The following HMGA2 variants were observed in gnomAD, a reference collection of about 807,000 sequenced individuals.
The protein encoded by HMGA2 is high mobility group protein HMGI-C.
A neutral mutation model predicts 19.1 loss-of-function variants in HMGA2; 8 were observed. The ratio of observed to expected loss-of-function variants is 0.42; its 90% CI spans 0.25 to 0.76. HMGA2 has a LOEUF of 0.76. Among genes scored for constraint, HMGA2 ranks in the 30% least tolerant of loss-of-function variants. HMGA2 has a pLI of 0.28. For missense variants in HMGA2, 109 were observed against 136.3 expected, an observed-to-expected ratio of 0.80 and a Z score of 1.00; for synonymous variants, 60 against 48.8, an observed-to-expected ratio of 1.23 and a Z score of -0.96.
intron 3 of HMGA2, among the ~76,000 whole-genome samples, chr12:65,914,556 G>A (rs1393350077): frequency 6.6e-6 from 1 of 151,606 alleles, no homozygotes; most frequent in Non-Finnish European, 1.5e-5. Flanking sequence ...TGACGAGTTA[G>A]TGGGTGCAGC....
chr12:65,866,311 G>A (rs1236084220), intron 3 of HMGA2, among the ~76,000 whole-genome samples: 1 of 152,172 alleles, frequency 6.6e-6, no homozygotes, highest in Non-Finnish European at 1.5e-5. Context: ...TACAGATGAT[G>A]ATTTCAAGCC....
chr12:65,915,982 G>C (rs1041976972), intron 3 of HMGA2, among the ~76,000 whole-genome samples: 2 of 152,112 alleles, frequency 1.3e-5, no homozygotes, highest in African/African-American at 4.8e-5. Context: ...GTGACCATCA[G>C]TCTTAAATAA....
At position 65,952,398 on chromosome 12, in the gene HMGA2, A is replaced by C. The variant is rs1298590435; in HGVS notation, c.282+983A>C. On this transcript the variant is annotated intron_variant, in intron 4 of 4. Coordinates refer to ENST00000403681, the MANE Select transcript of HMGA2 (RefSeq NM_003483.6). ...TGGGAAGGACCACCCGGGCAATCTT[A>C]TATATCTACTGTTCTCTAAAAATGC... 8 of 1,534,798 alleles carry C rather than the reference A, an allele frequency of 5.2e-6. No individual in the cohort carries two copies. In the African/African-American group the frequency reaches 9.6e-5, roughly 18 times the overall value.
chr12:65,904,877 A>T (rs1874520837), intron 3 of HMGA2, among the ~76,000 whole-genome samples: 1 of 152,038 alleles, frequency 6.6e-6, no homozygotes, highest in African/African-American at 2.4e-5. Context: ...CCCCATCTCT[A>T]CTAAAAATAC....
intron 3 of HMGA2, among the ~76,000 whole-genome samples, chr12:65,918,921 G>C (rs1875204029): frequency 6.6e-6 from 1 of 152,180 alleles, no homozygotes; most frequent in Admixed American, 6.5e-5. Flanking sequence ...GGAGATACCA[G>C]TGGGCTGACT....
chr12:65,841,912 G>A (rs551352453), intron 3 of HMGA2, among the ~76,000 whole-genome samples: 14 of 152,152 alleles, frequency 9.2e-5, no homozygotes, highest in African/African-American at 3.4e-4. Flanking sequence ...ATGAAGCATT[G>A]GCCAATTCAG....
chr12:65,847,389 A>G (rs1871275396), intron 3 of HMGA2, among the ~76,000 whole-genome samples: 1 of 152,206 alleles, frequency 6.6e-6, no homozygotes. Flanking sequence ...TGCATACTCA[A>G]TATAATTTAT....
intron 1 of HMGA2, chr12:65,826,468 C>T (rs1204188511): frequency 6.6e-5 from 10 of 152,232 alleles, no homozygotes; most frequent in Non-Finnish European, 1.3e-4. Context: ...TCTGCTTAGT[C>T]TTAAATCGCT....
At chr12:65,858,789 C>T (rs924667844) in intron 3 of HMGA2, 3 of 152,176 alleles carry the variant, frequency 2.0e-5, no homozygotes, top group Non-Finnish European at 4.4e-5. Context: ...CACTGTGCTT[C>T]TTTCTGATTA....
At chr12:65,883,336 TG>T (rs1452509814) in intron 3 of HMGA2, among the ~76,000 whole-genome samples, 8 of 152,346 alleles carry the variant, frequency 5.3e-5, no homozygotes, top group Admixed American at 2.0e-4. Context: ...TGACACTAAC[TG>T]GTTGTGAATC....
chr12:65,937,131 A>AT (rs967875327), intron 3 of HMGA2, among the ~76,000 whole-genome samples: 3 of 151,812 alleles, frequency 2.0e-5, no homozygotes, highest in Non-Finnish European at 4.4e-5. Context: ...AAAAAAATTA[A>AT]TTTTTTTTTA....
intron 3 of HMGA2, among the ~76,000 whole-genome samples, chr12:65,902,558 A>C (rs1234601710): frequency 1.3e-5 from 2 of 152,168 alleles, no homozygotes; most frequent in Non-Finnish European, 2.9e-5. Context: ...CTGGACACAC[A>C]CTGAGCCTGG....
At chr12:65,854,548 A>G (rs1871636106) in intron 3 of HMGA2, among the ~76,000 whole-genome samples, 1 of 152,222 alleles carries the variant, frequency 6.6e-6, no homozygotes, top group Non-Finnish European at 1.5e-5. Flanking sequence ...TATCACATGT[A>G]GGTTCATGTA....
Position 65,951,526 on chromosome 12 carries a change from C to T in HMGA2, c.282+111C>T, listed in dbSNP as rs191137604. The stretch of plus-strand genomic sequence containing the variant: ...TTCGCATTTTCTTACTTTTGGTTAT[C>T]GTCCTGCAGTATTCCTGAAAATGTG... On this transcript the variant is annotated intron_variant, in intron 4 of 4. Transcript: ENST00000403681. The T allele has an allele frequency of 1.5e-3, 1,071 of 728,828 alleles. 10 individuals carry two copies. Among genetic ancestry groups the T allele is most frequent in the Admixed American group, 3.1e-4 (13 of 41,300 alleles). 45.1% of individuals were successfully genotyped at this position (728,828 alleles called of 1,614,324 possible). A position where few individuals can be genotyped will look rare whatever the true frequency, so the allele number is the denominator to read the frequency against.
intron 2 of HMGA2, among the ~76,000 whole-genome samples, chr12:65,837,645 T>C (rs1449018959): frequency 2.0e-5 from 3 of 152,150 alleles, no homozygotes; most frequent in Non-Finnish European, 4.4e-5. Flanking sequence ...TGGTGTGTTG[T>C]TGTGTATGAA....
intron 3 of HMGA2, among the ~76,000 whole-genome samples, chr12:65,860,643 C>T (rs1487488245): frequency 6.6e-6 from 1 of 152,180 alleles, no homozygotes; most frequent in Admixed American, 6.5e-5. Flanking sequence ...AAATACGTGG[C>T]TAGGCTACTC....
intron 3 of HMGA2, among the ~76,000 whole-genome samples, chr12:65,868,313 A>G (rs764514449): frequency 1.3e-5 from 2 of 148,730 alleles, no homozygotes; most frequent in Non-Finnish European, 3.0e-5. Context: ...TTCTGGCTTC[A>G]TTTTTTTTTT....
chr12:65,888,466 G>GAAAGA (rs1028980777), intron 3 of HMGA2, among the ~76,000 whole-genome samples: 2 of 138,770 alleles, frequency 1.4e-5, no homozygotes, highest in African/African-American at 2.7e-5. Context: ...CCCAAAAAAA[G>GAAAGA]AAAGAAAAGA....
At chr12:65,838,492 T>C (rs1870833846) in intron 2 of HMGA2, 27 bp from the exon 3 acceptor site, 2 of 1,594,286 alleles carry the variant, frequency 1.3e-6, no homozygotes, top group South Asian at 1.1e-5. Context: ...GGTAGAAAAC[T>C]ATAATGACTT....
Sources: gnomAD v4.1 joint callset for allele counts (sites outside exome capture counted in the v4.1 genomes callset) on GRCh38, gnomAD v4.1.1 for gene constraint, MANE v1.5 for transcripts, NCBI Gene and HGNC (gene_info 2026-07-23, HGNC 2026-07-21) for gene names.